EPB41L4B: variants seen among roughly 807,000 people sequenced by gnomAD.
EPB41L4B encodes the protein band 4.1-like protein 4B.
EPB41L4B carries 30 observed loss-of-function variants against 112.5 expected under a neutral mutation model. The observed-to-expected ratio is 0.27, with a 90% CI of 0.20 to 0.36. The LOEUF is 0.36. Among genes scored for constraint, EPB41L4B ranks in the 10% least tolerant of loss-of-function variants. EPB41L4B has a pLI of 1.00. For synonymous variants in EPB41L4B, 408 were observed against 439.7 expected, an observed-to-expected ratio of 0.93 and a Z score of 0.90; for missense variants, 1,024 against 1,133.3, an observed-to-expected ratio of 0.90 and a Z score of 1.38.
At chr9:109,253,735 A>G (rs1285829300) in intron 11 of EPB41L4B, among the ~76,000 whole-genome samples, 185 bp from the exon 12 acceptor site, 1 of 152,254 alleles carries the variant, frequency 6.6e-6, no homozygotes, top group African/African-American at 2.4e-5. Flanking sequence ...TGCCAAGTCC[A>G]GGCTACAGTC....
At chr9:109,232,586 T>C (rs1433949294) in intron 15 of EPB41L4B, among the ~76,000 whole-genome samples, 1 of 152,204 alleles carries the variant, frequency 6.6e-6, no homozygotes, top group East Asian at 1.9e-4. Context: ...TGGGAAGTGT[T>C]ATTTTTCCAC....
At chr9:109,205,745 C>T (rs1012465139) in intron 18 of EPB41L4B, among the ~76,000 whole-genome samples, 4 of 152,152 alleles carry the variant, frequency 2.6e-5, no homozygotes, top group Non-Finnish European at 4.4e-5. Context: ...GGCATTGCAC[C>T]AGGTACTCTG....
chr9:109,203,405 C>G (rs1047740185), intron 19 of EPB41L4B, among the ~76,000 whole-genome samples: 4 of 152,180 alleles, frequency 2.6e-5, no homozygotes, highest in African/African-American at 9.7e-5. Flanking sequence ...GTGAAGCCCA[C>G]TTGCTTGAGT....
Position 109,245,768 on chromosome 9 carries a change from G to A in EPB41L4B, c.1344+1988C>T, listed in dbSNP as rs548482316. 4.6e-5 allele frequency among the ~76,000 whole-genome samples: 7 copies of A among 152,198 alleles called. No individual in the cohort carries two copies. The East Asian group carries it at 9.7e-4, about 21-fold the overall frequency. On this transcript the variant is annotated intron_variant, in intron 14 of 25. Coordinates refer to ENST00000374566, the MANE Select transcript of EPB41L4B (RefSeq NM_019114.5). ...CCACTTCTCAGGACGTTCTCTTCCC[G>A]GTCAATTTATTCCCAACCCTTGATA...
intron 22 of EPB41L4B, among the ~76,000 whole-genome samples, chr9:109,187,808 G>A (rs10116353): frequency 6.6e-6 from 1 of 152,026 alleles, no homozygotes; most frequent in East Asian, 1.9e-4. Context: ...CATAATGAGC[G>A]CCTTAAGGGA....
intron 19 of EPB41L4B, 152 bp from the exon 20 acceptor site, chr9:109,200,486 A>G: frequency 2.0e-6 from 1 of 493,380 alleles, no homozygotes; most frequent in South Asian, 4.6e-5. Flanking sequence ...TACTTAGTTC[A>G]TAATTATAAT....
At chr9:109,309,449 C>T (rs1339691351) in intron 1 of EPB41L4B, among the ~76,000 whole-genome samples, 2 of 152,178 alleles carry the variant, frequency 1.3e-5, no homozygotes, top group Admixed American at 6.5e-5. Context: ...TCCCTTATTC[C>T]ACCGAGGTGA....
chr9:109,309,763 G>C (rs1255934473), intron 1 of EPB41L4B, among the ~76,000 whole-genome samples: 13 of 150,024 alleles, frequency 8.7e-5, no homozygotes, highest in African/African-American at 3.2e-4. Flanking sequence ...CACAGAGAGA[G>C]AGAGAGAGAG....
chr9:109,289,152 C>T (rs1302563577), intron 1 of EPB41L4B, among the ~76,000 whole-genome samples: 1 of 152,158 alleles, frequency 6.6e-6, no homozygotes, highest in East Asian at 1.9e-4. Context: ...AGCCTGGTGT[C>T]AGGGACTCTG....
intron 18 of EPB41L4B, among the ~76,000 whole-genome samples, chr9:109,204,642 C>T (rs990182387): frequency 6.6e-6 from 1 of 152,128 alleles, no homozygotes; most frequent in African/African-American, 2.4e-5. Flanking sequence ...CAGGCTCAAA[C>T]CACAACACGC....
chr9:109,176,086 ACACT>A (rs1234143328), intron 25 of EPB41L4B, among the ~76,000 whole-genome samples: 1 of 145,412 alleles, frequency 6.9e-6, no homozygotes, highest in Non-Finnish European at 1.5e-5. Context: ...ACACACACAC[ACACT>A]CATTTGTTGT....
At chr9:109,211,906 G>GC (rs1554746752) in intron 17 of EPB41L4B, among the ~76,000 whole-genome samples, 1 of 145,612 alleles carries the variant, frequency 6.9e-6, no homozygotes, top group African/African-American at 2.8e-5. Flanking sequence ...AGTAGAGATG[G>GC]GGGGGGTCTC....
intron 15 of EPB41L4B, among the ~76,000 whole-genome samples, chr9:109,232,605 C>T (rs1177042739): frequency 6.6e-6 from 1 of 152,170 alleles, no homozygotes; most frequent in Admixed American, 6.5e-5. Flanking sequence ...ACTCCCCAGA[C>T]GCCATCCGGC....
Position 109,263,109 on chromosome 9 carries a change from AAAAAT to A in EPB41L4B, c.579-12_579-8del. On this transcript the variant is annotated splice_polypyrimidine_tract_variant and splice_region_variant and intron_variant, in intron 5 of 25. Transcript: ENST00000374566. ...TTCATAAGGGCATTTCAATCTTGAA[AAAAAT>A]AAAATGAAATTAATTCGAAATAGGA... 6.3e-7 allele frequency: 1 copy of A among 1,576,132 alleles called. No individual in the cohort carries two copies. The highest frequency in any genetic ancestry group is 8.7e-7 in the Non-Finnish European group (1 of 1,153,036).
At chr9:109,200,736 G>C (rs1237563167) in intron 19 of EPB41L4B, among the ~76,000 whole-genome samples, 1 of 151,738 alleles carries the variant, frequency 6.6e-6, no homozygotes, top group Non-Finnish European at 1.5e-5. Context: ...CAAGTAATCT[G>C]GTAGCTATTC....
At chr9:109,204,671 T>A (rs1832938026) in intron 18 of EPB41L4B, among the ~76,000 whole-genome samples, 1 of 151,932 alleles carries the variant, frequency 6.6e-6, no homozygotes, top group Admixed American at 6.6e-5. Context: ...TGTTTCATAT[T>A]TTTTTTGTAG....
intron 23 of EPB41L4B, 74 bp downstream of exon 23, chr9:109,185,415 C>A: frequency 1.5e-6 from 2 of 1,333,972 alleles, no homozygotes; most frequent in South Asian, 1.2e-5. Context: ...CCCACCCAGG[C>A]TTCCACCTCG....
intron 15 of EPB41L4B, chr9:109,241,334 G>C (rs1010701131): frequency 8.3e-5 from 87 of 1,053,696 alleles, no homozygotes; most frequent in Non-Finnish European, 9.8e-5. Context: ...AGCTCTTCTG[G>C]TTTTATTTGC....
At position 109,258,292 on chromosome 9, in the gene EPB41L4B, G is replaced by A; in HGVS notation, c.637C>T (p.Leu213Phe). The A allele has an allele frequency of 6.2e-7, 1 of 1,612,218 alleles. No homozygotes were observed. The highest frequency in any genetic ancestry group is 1.3e-5 in the African/African-American group (1 of 75,016). The change falls in exon 7 of 26, where the codon CTT becomes TTT. Residue 213 changes from leucine to phenylalanine, a missense_variant. Transcript: ENST00000374566. Reference protein sequence around the residue: ...ELAALCLQAELGECELPEHTP... With the variant: ...ELAALCLQAEFGECELPEHTP... Reference sequence around the variant, plus strand: ...TGTTCTGGAAGCTCGCACTCCCCAAGCTCCGCTGTAAGTTTCATAAAAGGG... The same window carrying A: ...TGTTCTGGAAGCTCGCACTCCCCAAACTCCGCTGTAAGTTTCATAAAAGGG...
Sources: gnomAD v4.1 joint callset for allele counts (sites outside exome capture counted in the v4.1 genomes callset) on GRCh38, gnomAD v4.1.1 for gene constraint, MANE v1.5 for transcripts, NCBI Gene and HGNC (gene_info 2026-07-23, HGNC 2026-07-21) for gene names.